The following PAX8 variants were observed in gnomAD, a reference collection of about 807,000 sequenced individuals.
PAX8 encodes paired box 8.
PAX8 carries 15 observed loss-of-function variants against 52.4 expected under a neutral mutation model. The observed-to-expected ratio is 0.29, with a 90% CI of 0.19 to 0.44. The LOEUF is 0.44. PAX8 is among the 20% of genes least tolerant of loss of function. PAX8 has a pLI of 1.00. For synonymous variants in PAX8, 284 were observed against 249.7 expected (o/e 1.14, Z -1.29); for missense variants, 554 against 602.5 (o/e 0.92, Z 0.84).
chr2:113,231,958 C>A (rs540825303), intron 9 of PAX8, among the ~76,000 whole-genome samples: 179 of 152,292 alleles, frequency 1.2e-3, no homozygotes, highest in Non-Finnish European at 1.9e-3. Context: ...GAACTCCCGA[C>A]CTCAGGTGAT....
At chr2:113,249,360 G>A (rs942365051) in intron 2 of PAX8, among the ~76,000 whole-genome samples, 3 of 152,166 alleles carry the variant, frequency 2.0e-5, no homozygotes. Flanking sequence ...ACAAGGGGGC[G>A]CCAGACAGCC....
intron 10 of PAX8, among the ~76,000 whole-genome samples, chr2:113,224,639 G>A (rs889868118): frequency 4.6e-5 from 7 of 151,576 alleles, no homozygotes; most frequent in Non-Finnish European, 1.0e-4. Context: ...AAAGATAGAA[G>A]GATAGATGGG....
At chr2:113,227,085 T>TCCA in intron 10 of PAX8, 70 bp downstream of exon 10, 2 of 1,538,774 alleles carry the variant, frequency 1.3e-6, no homozygotes, top group Non-Finnish European at 1.7e-6. Context: ...TGCCTCTTGC[T>TCCA]CCTTGTGTCC....
intron 7 of PAX8, chr2:113,241,235 A>G (rs1690811226): frequency 4.0e-6 from 2 of 494,122 alleles, no homozygotes; most frequent in Non-Finnish European, 3.7e-6. Context: ...ACTGCTTCAG[A>G]GTTGTGGAAC....
rs112872760 is a variant in PAX8 at position 113,236,614 on chromosome 2, G to A, written c.885C>T (p.Tyr295=). The change falls in exon 8 of 12, where the codon TAC becomes TAT. Residue 295 remains tyrosine, a synonymous_variant. Transcript: ENST00000429538. ...CGGGCGTTGTACCTGCCACCACGGGGTAGGTCTGGTGAGTCGAGAGGTTGC... is the reference window on the plus strand; with the variant it reads ...CGGGCGTTGTACCTGCCACCACGGGATAGGTCTGGTGAGTCGAGAGGTTGC... ...LGRNLSTHQT[Y]PVVADPHSPF... 1,243 of 1,584,598 alleles carry A rather than the reference G, an allele frequency of 7.8e-4. 7 individuals carry two copies. In the African/African-American group the frequency reaches 9.0e-3, roughly 11 times the overall value.
At chr2:113,234,319 G>T (rs1690108145) in intron 9 of PAX8, among the ~76,000 whole-genome samples, 1 of 152,170 alleles carries the variant, frequency 6.6e-6, no homozygotes, top group African/African-American at 2.4e-5. Context: ...GATGAGCGAA[G>T]GTCCTTCTGC....
At chr2:113,239,299 C>T (rs1690625886) in intron 7 of PAX8, 1 of 152,240 alleles carries the variant, frequency 6.6e-6, no homozygotes. Context: ...AACTCCTGAC[C>T]TCAGGTGACC....
intron 2 of PAX8, chr2:113,267,077 C>T (rs1373792661): frequency 2.6e-5 from 4 of 152,270 alleles, no homozygotes; most frequent in African/African-American, 9.6e-5. Context: ...GTAGACAGAA[C>T]ATGCCTGAAC....
At chr2:113,244,735 A>T in intron 3 of PAX8, 111 bp from the exon 4 acceptor site, 2 of 975,152 alleles carry the variant, frequency 2.1e-6, no homozygotes, top group Non-Finnish European at 3.3e-6. Flanking sequence ...GGGGTATGAG[A>T]GTGAAATGTG....
chr2:113,218,632 A>G (rs1451076725), intron 11 of PAX8, 23 bp from the exon 12 acceptor site: 2 of 1,478,782 alleles, frequency 1.4e-6, no homozygotes, highest in South Asian at 1.2e-5. Context: ...AAAAAAAATA[A>G]CAACAACACT....
chr2:113,278,254 C>T, intron 2 of PAX8, 116 bp downstream of exon 2: 2 of 844,372 alleles, frequency 2.4e-6, no homozygotes, highest in Non-Finnish European at 3.8e-6. Context: ...TGGGTCCCCA[C>T]GCGGGTGGGT....
intron 2 of PAX8, chr2:113,259,175 T>A (rs1056409846): frequency 6.6e-6 from 1 of 152,616 alleles, no homozygotes; most frequent in Non-Finnish European, 1.5e-5. Context: ...ATATAAGGTA[T>A]ATAAAGTAAC....
chr2:113,244,264 T>TA (rs1691124861), intron 4 of PAX8, among the ~76,000 whole-genome samples, 163 bp downstream of exon 4: 1 of 151,348 alleles, frequency 6.6e-6, no homozygotes, highest in South Asian at 2.1e-4. Context: ...GGCAGGGAGG[T>TA]ATGATATCTG....
Position 113,218,414 on chromosome 2 carries a change from A to G in PAX8, c.*119T>C, listed in dbSNP as rs1689098369. ...TTAACCACACAGGGAGTGTGCCGCA[A>G]TGCTGGACTTGTGGTTATTTTTCAT... On this transcript the variant is annotated 3_prime_UTR_variant, in exon 12 of 12. Coordinates refer to ENST00000429538, the MANE Select transcript of PAX8 (RefSeq NM_003466.4). 1.7e-6 allele frequency: 1 copy of G among 592,146 alleles called. No individual in the cohort carries two copies. Among genetic ancestry groups the G allele is most frequent in the East Asian group, 2.9e-5 (1 of 34,144 alleles). 36.7% of individuals were successfully genotyped at this position (592,146 alleles called of 1,614,324 possible). A position where few individuals can be genotyped will look rare whatever the true frequency, so the allele number is the denominator to read the frequency against.
intron 2 of PAX8, chr2:113,267,965 C>G (rs1693200443): frequency 6.6e-6 from 1 of 152,206 alleles, no homozygotes; most frequent in South Asian, 2.1e-4. Context: ...GGTGTCCAGG[C>G]TATAAGATCT....
At chr2:113,231,118 T>C (rs925366445) in intron 9 of PAX8, among the ~76,000 whole-genome samples, 12 of 152,242 alleles carry the variant, frequency 7.9e-5, no homozygotes, top group African/African-American at 2.9e-4. Flanking sequence ...CTGCCCTCCA[T>C]GTAACCCCTT....
chr2:113,220,065 G>T, intron 11 of PAX8, 27 bp downstream of exon 11: 1 of 1,554,026 alleles, frequency 6.4e-7, no homozygotes, highest in Non-Finnish European at 8.8e-7. Flanking sequence ...CTGCCCAGCA[G>T]AGGCCTGGGC....
At chr2:113,236,020 C>T (rs1234978775) in intron 8 of PAX8, 1 of 217,500 alleles carries the variant, frequency 4.6e-6, no homozygotes, top group African/African-American at 2.5e-5. Flanking sequence ...GAGGCGCGAC[C>T]CCTCGGCCCA....
chr2:113,268,487 A>G (rs1693239955), intron 2 of PAX8: 1 of 152,080 alleles, frequency 6.6e-6, no homozygotes, highest in African/African-American at 2.4e-5. Context: ...GCCTTGAACA[A>G]CTCTGGATCC....
Sources: allele counts gnomAD v4.1 joint callset (sites outside exome capture counted in the v4.1 genomes callset), GRCh38; gene constraint gnomAD v4.1.1; transcripts MANE v1.5; gene names NCBI Gene and HGNC (gene_info 2026-07-23, HGNC 2026-07-21).